The following TEKT3 variants were observed in gnomAD, a reference collection of about 807,000 sequenced individuals.
TEKT3 encodes tektin-3.
In TEKT3, 49 loss-of-function variants were observed where a neutral mutation model predicts 49.8. That is an observed-to-expected ratio of 0.98 (90% CI 0.78 to 1.25). TEKT3 has a LOEUF of 1.25. TEKT3 is among the 50% of genes most tolerant of loss of function. The probability of loss-of-function intolerance (pLI) is 0.00; values close to 1 mark genes in which losing one functional copy is unlikely to be tolerated. For missense variants in TEKT3, 595 were observed against 629.5 expected, an observed-to-expected ratio of 0.95 and a Z score of 0.59; for synonymous variants, 225 against 237.2, an observed-to-expected ratio of 0.95 and a Z score of 0.47.
intron 4 of TEKT3, among the ~76,000 whole-genome samples, chr17:15,320,389 AT>A (rs1259017292): frequency 6.6e-6 from 1 of 152,078 alleles, no homozygotes; most frequent in South Asian, 2.1e-4. Context: ...ATATGTCACA[AT>A]TTTTTTAATC....
intron 2 of TEKT3, among the ~76,000 whole-genome samples, chr17:15,335,953 GC>G (rs1911962999): frequency 6.6e-6 from 1 of 151,904 alleles, no homozygotes; most frequent in Admixed American, 6.6e-5. Flanking sequence ...AACCTATGGT[GC>G]AATAGCAAAG....
intron 2 of TEKT3, among the ~76,000 whole-genome samples, chr17:15,337,889 G>T (rs1194131349): frequency 6.6e-6 from 1 of 151,984 alleles, no homozygotes; most frequent in Non-Finnish European, 1.5e-5. Flanking sequence ...AAGATAGACT[G>T]TTTAAACACT....
At chr17:15,339,127 G>A (rs1189049410) in intron 2 of TEKT3, among the ~76,000 whole-genome samples, 1 of 152,100 alleles carries the variant, frequency 6.6e-6, no homozygotes. Flanking sequence ...TGTGGGAGTG[G>A]ATTAGTTATC....
intron 2 of TEKT3, 55 bp downstream of exon 2, chr17:15,339,973 T>C (rs1912153145): frequency 6.6e-6 from 1 of 152,194 alleles, no homozygotes; most frequent in South Asian, 2.1e-4. Flanking sequence ...ATATAAATTA[T>C]TACACTTTGG....
At position 15,304,710 on chromosome 17, in the gene TEKT3, G is replaced by A. The variant is rs2150729389; in HGVS notation, c.1257-558C>T. On this transcript the variant is annotated intron_variant, in intron 8 of 8. Transcript: ENST00000395930. The surrounding 1 kb of genome is among the most constrained non-coding windows in gnomAD (Gnocchi z 4.7). Reference sequence around the variant, plus strand: ...ACAGAAGAGTAGAAGCAGAGACCCAGGAAGACCTATCTCATCATCTGCAGA... The same window carrying A: ...ACAGAAGAGTAGAAGCAGAGACCCAAGAAGACCTATCTCATCATCTGCAGA... Among the ~76,000 whole-genome samples the A allele has an allele frequency of 6.6e-6, 1 of 152,302 alleles. No individual in the cohort carries two copies. The highest frequency in any genetic ancestry group is 1.5e-5 in the Non-Finnish European group (1 of 68,036).
Position 15,314,128 on chromosome 17 carries a change from G to A in TEKT3, c.837C>T (p.Asp279=), listed in dbSNP as rs200018858. The change falls in exon 6 of 9, where the codon GAC becomes GAT. Residue 279 remains aspartate, a synonymous_variant. Coordinates refer to ENST00000395930, the MANE Select transcript of TEKT3 (RefSeq NM_031898.3). ...DKCHHLRNTS[D]GVGYFRGVER... ...CCACTCCGCGGAAGTAGCCGACACC[G>A]TCTGATGTGTTGCGCAGGTGGTGGC... is the stretch of plus-strand genomic sequence containing the variant. 1.5e-5 allele frequency: 25 copies of A among 1,614,220 alleles called. No individual in the cohort carries two copies. The East Asian group carries it at 1.8e-4, about 12-fold the overall frequency.
intron 7 of TEKT3, among the ~76,000 whole-genome samples, chr17:15,311,892 G>T (rs554717897): frequency 6.6e-6 from 1 of 152,142 alleles, no homozygotes; most frequent in South Asian, 2.1e-4. Flanking sequence ...CAGAAAAGGG[G>T]TCTAAAATAC....
intron 3 of TEKT3, among the ~76,000 whole-genome samples, chr17:15,330,088 A>G (rs542664130): frequency 6.6e-6 from 1 of 152,290 alleles, no homozygotes; most frequent in East Asian, 1.9e-4. Flanking sequence ...GGCCAATCTC[A>G]GCACCATTTT....
intron 2 of TEKT3, 125 bp from the exon 3 acceptor site, chr17:15,331,739 T>C: frequency 1.5e-6 from 1 of 686,476 alleles, no homozygotes; most frequent in Non-Finnish European, 2.3e-6. Flanking sequence ...AGATGCTTGT[T>C]CTCATTTGTT....
intron 7 of TEKT3, 106 bp from the exon 8 acceptor site, chr17:15,308,924 C>G (rs140300065): frequency 1.5e-6 from 2 of 1,372,784 alleles, no homozygotes. Flanking sequence ...GCCTTGACCT[C>G]GCTGATGAGG....
chr17:15,319,093 C>A lies in TEKT3; in HGVS notation c.718G>T (p.Ala240Ser). ...AGCTCTTACGCAAGTTGGGCAATAG[C>A]CTTATCCAAATGTAGCTTCATTCTT... ...QERMKLHLDKAIAQLAANRAS... is the reference protein window; with the variant it reads ...QERMKLHLDKSIAQLAANRAS... Residue 240 changes from alanine (A) to serine (S), a missense_variant, in exon 5 of 9, where the codon GCT becomes TCT. By Grantham distance (99) the Ala-to-Ser change is moderately conservative (BLOSUM62 1). Transcript: ENST00000395930. 6.2e-7 allele frequency: 1 copy of A among 1,611,966 alleles called. No individual in the cohort carries two copies.
intron 4 of TEKT3, among the ~76,000 whole-genome samples, chr17:15,323,513 T>C (rs1354556845): frequency 6.6e-6 from 1 of 152,254 alleles, no homozygotes; most frequent in Non-Finnish European, 1.5e-5. Context: ...GAAGCCATCC[T>C]GTAAGAATTT....
At chr17:15,325,529 C>T (rs1177004013) in intron 4 of TEKT3, among the ~76,000 whole-genome samples, 1 of 152,198 alleles carries the variant, frequency 6.6e-6, no homozygotes, top group Non-Finnish European at 1.5e-5. Flanking sequence ...CTAGTCCCCA[C>T]TGCAGATTTG....
intron 5 of TEKT3, among the ~76,000 whole-genome samples, chr17:15,315,464 G>A (rs777045905): frequency 1.3e-5 from 2 of 152,214 alleles, no homozygotes; most frequent in African/African-American, 2.4e-5. Flanking sequence ...AGTTACTCAG[G>A]TGAGAGATGA....
At chr17:15,319,272 A>G (rs1178204771) in intron 4 of TEKT3, 125 bp from the exon 5 acceptor site, 1 of 764,642 alleles carries the variant, frequency 1.3e-6, no homozygotes, top group Admixed American at 3.1e-5. Flanking sequence ...GTTAAACAAG[A>G]AAACAATTTT....
chr17:15,314,501 T>C (rs545365742), intron 5 of TEKT3, among the ~76,000 whole-genome samples: 28 of 152,120 alleles, frequency 1.8e-4, no homozygotes, highest in African/African-American at 6.0e-4. Context: ...TAAACAGGGG[T>C]CCAGGATCTG....
At chr17:15,338,571 A>G (rs992217766) in intron 2 of TEKT3, 1 of 146,608 alleles carries the variant, frequency 6.8e-6, no homozygotes, top group Non-Finnish European at 1.5e-5. Context: ...TGGCGCCAAG[A>G]TGGCGCCACT....
chr17:15,303,985 C>T lies in TEKT3; in HGVS notation c.1424G>A (p.Ser475Asn). Residue 475 changes from serine (S) to asparagine (N), a missense_variant, in exon 9 of 9, where the codon AGC becomes AAC. By Grantham distance (46) the Ser-to-Asn change is conservative (BLOSUM62 1). Coordinates refer to ENST00000395930, the MANE Select transcript of TEKT3 (RefSeq NM_031898.3). ...GGTGTTGGGGTAGCTCTTGCGCATG[C>T]TCATGCATTTTTCCTGGTCGATGTA... ...SLYIDQEKCM[S>N]MRKSYPNTLR... The T allele has an allele frequency of 6.2e-7, 1 of 1,614,156 alleles. No homozygotes were observed. The highest frequency in any genetic ancestry group is 8.5e-7 in the Non-Finnish European group (1 of 1,180,036).
intron 8 of TEKT3, chr17:15,307,103 G>T: frequency 6.6e-6 from 1 of 152,324 alleles, no homozygotes. Flanking sequence ...ACGCTTCATG[G>T]CACTCAACAC....
Sources: gnomAD v4.1 joint callset for allele counts (sites outside exome capture counted in the v4.1 genomes callset) on GRCh38, gnomAD v4.1.1 for gene constraint, Gnocchi (gnomAD v3.1) non-coding constraint, MANE v1.5 for transcripts, NCBI Gene and HGNC (gene_info 2026-07-23, HGNC 2026-07-21) for gene names.